Variants in PHACTR4 observed in about 807,000 individuals in gnomAD.
The protein encoded by PHACTR4 is protein phosphatase 1, regulatory subunit 124.
Under a neutral mutation model 72.7 loss-of-function variants are expected in PHACTR4, and 51 were observed. The ratio of observed to expected loss-of-function variants is 0.70; its 90% CI spans 0.56 to 0.89. The LOEUF (loss-of-function observed/expected upper bound fraction) is 0.89. PHACTR4 is among the 40% of genes least tolerant of loss of function. The probability of loss-of-function intolerance (pLI) is 0.00; values close to 1 mark genes in which losing one functional copy is unlikely to be tolerated. For missense variants in PHACTR4, 731 were observed against 861.8 expected (o/e 0.85, Z 1.90); for synonymous variants, 255 against 302.5 (o/e 0.84, Z 1.63).
At position 28,473,779 on chromosome 1, in the gene PHACTR4, A is replaced by G. The variant is rs201971538; in HGVS notation, c.1049A>G (p.His350Arg). The change falls in exon 7 of 14, where the codon CAT (histidine) becomes CGT (arginine). Residue 350 changes from histidine to arginine, a missense_variant. Coordinates refer to ENST00000373839, the MANE Select transcript of PHACTR4 (RefSeq NM_001048183.3). ...TCTCCGTCCCCCCCACTGCCTACTCATATACCTCCAGAGCCTCCACGCACC... is the reference window on the plus strand; with the variant it reads ...TCTCCGTCCCCCCCACTGCCTACTCGTATACCTCCAGAGCCTCCACGCACC... Reference protein sequence around the residue: ...PRSPSPPLPTHIPPEPPRTPP... With the variant: ...PRSPSPPLPTRIPPEPPRTPP... 7.4e-6 allele frequency: 12 copies of G among 1,613,812 alleles called. No individual in the cohort carries two copies. The highest frequency in any genetic ancestry group is 4.4e-5 in the South Asian group (4 of 91,074).
chr1:28,395,638 C>CTTT (rs67388349), intron 1 of PHACTR4, among the ~76,000 whole-genome samples: 5 of 112,456 alleles, frequency 4.4e-5, no homozygotes, highest in Non-Finnish European at 7.0e-5. Flanking sequence ...TTAAGCATAA[C>CTTT]TTTTTTTTTT....
At chr1:28,455,796 G>A (rs1658346936) in intron 2 of PHACTR4, among the ~76,000 whole-genome samples, 2 of 152,154 alleles carry the variant, frequency 1.3e-5, no homozygotes, top group African/African-American at 4.8e-5. Flanking sequence ...AGAGGGGAAG[G>A]AAGGAGGGAG....
At chr1:28,412,043 A>T (rs1007632276) in intron 2 of PHACTR4, among the ~76,000 whole-genome samples, 9 of 152,198 alleles carry the variant, frequency 5.9e-5, no homozygotes, top group African/African-American at 2.2e-4. Context: ...AGATGCTTAC[A>T]CATTTCATTA....
At chr1:28,494,434 A>C (rs1050130827) in intron 13 of PHACTR4, 1 of 152,248 alleles carries the variant, frequency 6.6e-6, no homozygotes, top group East Asian at 1.9e-4. Context: ...AGGCAGGTGG[A>C]TCACTTGAGG....
intron 4 of PHACTR4, among the ~76,000 whole-genome samples, chr1:28,463,036 A>G (rs1484806244): frequency 6.6e-6 from 1 of 152,118 alleles, no homozygotes; most frequent in East Asian, 1.9e-4. Flanking sequence ...TCATCTCTAT[A>G]AAAGATTTTT....
chr1:28,396,558 G>C (rs975585053), intron 1 of PHACTR4, among the ~76,000 whole-genome samples: 1 of 151,406 alleles, frequency 6.6e-6, no homozygotes, highest in African/African-American at 2.4e-5. Context: ...ATAAAGATGC[G>C]TGTAGATTAC....
At position 28,460,201 on chromosome 1, in the gene PHACTR4, T is replaced by C. The variant is rs746326784; in HGVS notation, c.191-11T>C. Reference sequence around the variant, plus strand: ...CACATTTCTGAGTGCCATTTTCCAATTTAATGTTAGTTTTAGAACGGAAAA... The same window carrying C: ...CACATTTCTGAGTGCCATTTTCCAACTTAATGTTAGTTTTAGAACGGAAAA... On this transcript the variant is annotated splice_polypyrimidine_tract_variant and intron_variant, in intron 3 of 13. Coordinates refer to ENST00000373839, the MANE Select transcript of PHACTR4 (RefSeq NM_001048183.3). The C allele has an allele frequency of 6.2e-7, 1 of 1,605,718 alleles. No individual in the cohort carries two copies. Among genetic ancestry groups the C allele is most frequent in the Admixed American group, 1.7e-5 (1 of 59,716 alleles).
chr1:28,432,317 C>G (rs995337033), intron 2 of PHACTR4, among the ~76,000 whole-genome samples: 5 of 151,516 alleles, frequency 3.3e-5, no homozygotes, highest in Admixed American at 3.3e-4. Flanking sequence ...TGCAGTGGCT[C>G]ATGCCTATAA....
chr1:28,477,200 C>T (rs1659982266), intron 8 of PHACTR4, among the ~76,000 whole-genome samples: 1 of 151,844 alleles, frequency 6.6e-6, no homozygotes, highest in Admixed American at 6.6e-5. Context: ...ATTCTCCTGC[C>T]TCAGCCTCCC....
chr1:28,468,000 G>A (rs1426142803), intron 6 of PHACTR4, among the ~76,000 whole-genome samples: 1 of 152,128 alleles, frequency 6.6e-6, no homozygotes, highest in Non-Finnish European at 1.5e-5. Context: ...ACGATTGAAC[G>A]AATGAATAAA....
chr1:28,453,156 TTAAC>T (rs1194631662), intron 2 of PHACTR4, among the ~76,000 whole-genome samples: 7 of 152,122 alleles, frequency 4.6e-5, no homozygotes, highest in Non-Finnish European at 8.8e-5. Flanking sequence ...ATGAATTAAA[TTAAC>T]TAGCATATAC....
chr1:28,478,354 A>G (rs1419964803), intron 8 of PHACTR4, among the ~76,000 whole-genome samples: 5 of 152,202 alleles, frequency 3.3e-5, no homozygotes, highest in South Asian at 2.1e-4. Context: ...TAGTACTGCA[A>G]TAAGCATGAC....
intron 1 of PHACTR4, among the ~76,000 whole-genome samples, chr1:28,374,467 C>T (rs751430563): frequency 2.9e-4 from 44 of 152,306 alleles, no homozygotes; most frequent in Admixed American, 6.5e-4. Flanking sequence ...AAACCTATTT[C>T]ACCTCCCTTA....
At chr1:28,436,188 T>G (rs539044009) in intron 2 of PHACTR4, among the ~76,000 whole-genome samples, 3 of 152,336 alleles carry the variant, frequency 2.0e-5, no homozygotes, top group Non-Finnish European at 4.4e-5. Context: ...GCTAGAAATC[T>G]TTCTGGGATC....
rs867709438 is a variant in PHACTR4 at position 28,378,025 on chromosome 1, G to A, written c.-39+8200G>A. 4.7e-5 allele frequency among the ~76,000 whole-genome samples: 7 copies of A among 149,872 alleles called. 1 individual carries two copies. The highest frequency in any genetic ancestry group is 4.2e-4 in the South Asian group (2 of 4,726). On this transcript the variant is annotated intron_variant, in intron 1 of 13. Coordinates refer to ENST00000373839, the MANE Select transcript of PHACTR4 (RefSeq NM_001048183.3). ...ATCCTGGCTAACACGGTGAAACCCC[G>A]TCTCTACTAAAAGTACAAAAAATTA...
intron 13 of PHACTR4, among the ~76,000 whole-genome samples, chr1:28,495,374 T>C (rs898066474): frequency 1.3e-5 from 2 of 151,938 alleles, no homozygotes; most frequent in African/African-American, 4.8e-5. Context: ...TCCCGAAGTG[T>C]TGGGATTACA....
rs1655872889 is a variant in PHACTR4, at chr1:28,426,626, T to C, written c.16+19163T>C. On this transcript the variant is annotated intron_variant, in intron 2 of 13. Transcript: ENST00000373839. The stretch of plus-strand genomic sequence containing the variant: ...TTGCAGTGAGCCGAGATTGCACCAC[T>C]GCACTCCAACCTGGGCGACAGAGCG... Among the ~76,000 whole-genome samples the C allele has an allele frequency of 2.0e-5, 3 of 151,290 alleles. No homozygotes were observed. The South Asian group carries it at 6.2e-4, about 32-fold the overall frequency.
chr1:28,446,709 G>A (rs1657497192), intron 2 of PHACTR4, among the ~76,000 whole-genome samples: 1 of 152,088 alleles, frequency 6.6e-6, no homozygotes, highest in Non-Finnish European at 1.5e-5. Flanking sequence ...AACCCTGGAG[G>A]CGGAGGTTGT....
At position 28,476,173 on chromosome 1, in the gene PHACTR4, C is replaced by T; in HGVS notation, c.1488C>T (p.Thr496=). The T allele has an allele frequency of 6.2e-7, 1 of 1,613,564 alleles. No homozygotes were observed. Among genetic ancestry groups the T allele is most frequent in the African/African-American group, 1.3e-5 (1 of 74,962 alleles). Residue 496 remains threonine, a synonymous_variant, in exon 8 of 14, where the codon ACC becomes ACT. Transcript: ENST00000373839. ...CATTCAGTGAAGAAATGACACCTAC[C>T]TCAGTCATTCCTAAATTACCACAGT... The part of the protein sequence containing the change: ...PSTFSEEMTP[T]SVIPKLPQCL...
Sources: allele counts gnomAD v4.1 joint callset (sites outside exome capture counted in the v4.1 genomes callset), GRCh38; gene constraint gnomAD v4.1.1; transcripts MANE v1.5; gene names NCBI Gene and HGNC (gene_info 2026-07-23, HGNC 2026-07-21).